DMD: variants seen among roughly 807,000 people sequenced by gnomAD.
The protein encoded by DMD is dystrophin.
A neutral mutation model predicts 330.1 loss-of-function variants in DMD; 63 were observed. The ratio of observed to expected loss-of-function variants is 0.19; its 90% confidence interval spans 0.16 to 0.24. The LOEUF (loss-of-function observed/expected upper bound fraction) is 0.24, where lower values mean the gene tolerates loss of function less well. DMD is among the 10% of genes least tolerant of loss of function. The pLI, the probability that DMD is intolerant of heterozygous loss-of-function variation, is 1.00. For missense variants in DMD, 3,344 were observed against 2,684.1 expected, an observed-to-expected ratio of 1.25 and a Z score of -5.43; for synonymous variants, 1,223 against 959.8, an observed-to-expected ratio of 1.27 and a Z score of -5.07.
intron 7 of DMD, among the ~76,000 whole-genome samples, chrX:32,705,601 G>T (rs919619128): frequency 9.0e-6 from 1 of 111,404 alleles, no homozygotes; most frequent in African/African-American, 3.3e-5. Flanking sequence ...ATCGCCTGAG[G>T]TTAGGAATTT....
intron 1 of DMD, among the ~76,000 whole-genome samples, chrX:33,233,712 T>C (rs916450242): frequency 9.0e-6 from 1 of 111,729 alleles, no homozygotes; most frequent in African/African-American, 3.3e-5. Flanking sequence ...TTTGTGGTCA[T>C]GTAACATCCG....
chrX:32,276,748 C>T (rs192779968), intron 43 of DMD, among the ~76,000 whole-genome samples: 1 of 110,108 alleles, frequency 9.1e-6, no homozygotes, highest in African/African-American at 3.3e-5. Flanking sequence ...CATGAAACCC[C>T]AACTCTACTA....
chrX:32,345,701 C>T, intron 39 of DMD, among the ~76,000 whole-genome samples: 1 of 109,897 alleles, frequency 9.1e-6, no homozygotes, highest in South Asian at 3.9e-4. Context: ...ACTATGAATG[C>T]ATTCCCATCT....
At chrX:32,654,842 C>T (rs1032007925) in intron 9 of DMD, among the ~76,000 whole-genome samples, 1 of 111,198 alleles carries the variant, frequency 9.0e-6, no homozygotes, top group Non-Finnish European at 1.9e-5. Flanking sequence ...TGTTATTGGT[C>T]TATTCAGGGA....
chrX:31,194,930 C>A (rs1230990285), intron 67 of DMD, among the ~76,000 whole-genome samples: 1 of 111,660 alleles, frequency 9.0e-6, no homozygotes, highest in Non-Finnish European at 1.9e-5. Flanking sequence ...ATCGACTCTG[C>A]CTAGATGTGC....
At chrX:33,068,157 A>G (rs1012392617) in intron 1 of DMD, among the ~76,000 whole-genome samples, 9 of 112,181 alleles carry the variant, frequency 8.0e-5, no homozygotes, top group Admixed American at 1.9e-4. Context: ...CCAGGAATAC[A>G]TGACTTGTAA....
intron 9 of DMD, among the ~76,000 whole-genome samples, chrX:32,660,230 A>C (rs1005251787): frequency 4.7e-5 from 5 of 105,539 alleles, no homozygotes; most frequent in South Asian, 3.9e-4. Context: ...ATTACTTCTC[A>C]TATTTTCAAG....
intron 49 of DMD, among the ~76,000 whole-genome samples, chrX:31,821,435 G>C (rs1013848908): frequency 8.9e-6 from 1 of 112,271 alleles, no homozygotes; most frequent in African/African-American, 3.2e-5. Context: ...TACCATTCTT[G>C]AGAACATAAT....
At chrX:31,212,146 T>TTATATATATATA (rs375944446) in intron 64 of DMD, among the ~76,000 whole-genome samples, 7 of 91,755 alleles carry the variant, frequency 7.6e-5, no homozygotes, top group African/African-American at 3.0e-4. Flanking sequence ...ATTAAATATA[T>TTATATATATATA]TATATATATA....
intron 62 of DMD, among the ~76,000 whole-genome samples, chrX:31,298,088 T>C (rs1481902095): frequency 8.9e-6 from 1 of 112,047 alleles, no homozygotes; most frequent in African/African-American, 3.2e-5. Context: ...CTGAGTGGAA[T>C]GTACAACTTC....
At chrX:32,743,174 G>A (rs2069526052) in intron 7 of DMD, among the ~76,000 whole-genome samples, 1 of 111,475 alleles carries the variant, frequency 9.0e-6, no homozygotes, top group South Asian at 3.8e-4. Context: ...TCTGCCAACA[G>A]ATGACCAGCA....
intron 9 of DMD, among the ~76,000 whole-genome samples, chrX:32,673,356 CA>C (rs2061752329): frequency 9.0e-6 from 1 of 110,875 alleles, no homozygotes; most frequent in Non-Finnish European, 1.9e-5. Context: ...TTGATAGAAA[CA>C]AAAATGTTGC....
chrX:32,227,530 T>C (rs2097153120), intron 43 of DMD, among the ~76,000 whole-genome samples: 1 of 105,925 alleles, frequency 9.4e-6, no homozygotes, highest in South Asian at 4.3e-4. Flanking sequence ...GCACAGAGTG[T>C]GGAATAATAG....
At chrX:33,237,984 T>G (rs892278060) in intron 1 of DMD, among the ~76,000 whole-genome samples, 3 of 112,409 alleles carry the variant, frequency 2.7e-5, no homozygotes, top group Admixed American at 1.9e-4. Context: ...TTTGAATTGA[T>G]TTAAAATTAA....
intron 7 of DMD, among the ~76,000 whole-genome samples, chrX:32,747,334 C>G (rs1408991975): frequency 2.7e-5 from 3 of 112,251 alleles, no homozygotes; most frequent in African/African-American, 6.5e-5. Context: ...CAGGGCAAAG[C>G]TACTCAAACT....
In DMD at chrX:32,348,465, G is replaced by A. The variant is rs1010693200; in HGVS notation, c.5389C>T (p.Leu1797=). The A allele has an allele frequency of 2.5e-6, 3 of 1,204,087 alleles. No homozygotes were observed. In the African/African-American group the frequency reaches 5.3e-5, roughly 21 times the overall value. The change falls in exon 38 of 79, where the codon CTG becomes TTG. Residue 1797 remains leucine (L), a synonymous_variant. Coordinates refer to ENST00000357033, the MANE Select transcript of DMD (RefSeq NM_004006.3). ...NSDIQKLLEP[L]EAEIQQGVNL... ...ACCCCCTGCTGAATTTCAGCCTCCA[G>A]TGGTTCAAGCAATTTTTGTATATCT...
intron 2 of DMD, among the ~76,000 whole-genome samples, chrX:33,000,392 ACTTAGGTTGT>A (rs1238304167): frequency 8.9e-6 from 1 of 112,359 alleles, no homozygotes; most frequent in Non-Finnish European, 1.9e-5. Context: ...GTCACATTAC[ACTTAGGTTGT>A]CTGACCAATA....
At chrX:32,342,307 C>T in intron 40 of DMD, 25 bp from the exon 41 acceptor site, 1 of 1,207,125 alleles carries the variant, frequency 8.3e-7, no homozygotes, top group Non-Finnish European at 1.1e-6. Context: ...CAATACAGGG[C>T]CCAGGGCAGT....
At chrX:32,895,368 CA>C (rs1484819755) in intron 2 of DMD, among the ~76,000 whole-genome samples, 2 of 112,319 alleles carry the variant, frequency 1.8e-5, no homozygotes, top group Non-Finnish European at 3.8e-5. Context: ...CTGAACTGAG[CA>C]AATACTTTAT....
Sources: gnomAD v4.1 joint callset for allele counts (sites outside exome capture counted in the v4.1 genomes callset) on GRCh38, gnomAD v4.1.1 for gene constraint, MANE v1.5 for transcripts, NCBI Gene and HGNC (gene_info 2026-07-23, HGNC 2026-07-21) for gene names.